Variants in ATAD5 observed in about 807,000 individuals in gnomAD.
ATAD5 encodes ATPase family AAA domain-containing protein 5.
A neutral mutation model predicts 176.9 loss-of-function variants in ATAD5; 58 were observed. The ratio of observed to expected loss-of-function variants is 0.33; its 90% confidence interval spans 0.27 to 0.41. The LOEUF is 0.41. Ranked by LOEUF, ATAD5 falls within the 10% of genes least tolerant of loss-of-function variation. The pLI, the probability that ATAD5 is intolerant of heterozygous loss-of-function variation, is 1.00. For synonymous variants in ATAD5, 640 were observed against 712.6 expected, an observed-to-expected ratio of 0.90 and a Z score of 1.62; for missense variants, 1,789 against 2,094.1, an observed-to-expected ratio of 0.85 and a Z score of 2.84.
chr17:30,869,671 CATA>C (rs1240410251), intron 14 of ATAD5, 25 bp downstream of exon 14: 8 of 1,559,608 alleles, frequency 5.1e-6, no homozygotes, highest in Non-Finnish European at 6.0e-6. Flanking sequence ...TTCCTTAAGC[CATA>C]ATGTTTTGAA....
chr17:30,833,301 C>T (rs949751245), intron 1 of ATAD5, among the ~76,000 whole-genome samples: 6 of 152,064 alleles, frequency 3.9e-5, no homozygotes, highest in Admixed American at 2.0e-4. Flanking sequence ...TCTATGTGGT[C>T]TGTTTTATCA....
At chr17:30,881,869 A>C (rs768858644) in intron 18 of ATAD5, among the ~76,000 whole-genome samples, 2 of 151,656 alleles carry the variant, frequency 1.3e-5, no homozygotes, top group African/African-American at 2.4e-5. Context: ...AGCCAAGATC[A>C]TACCACTGCA....
Position 30,840,789 on chromosome 17 carries a change from T to G in ATAD5, c.2241+8T>G, listed in dbSNP as rs750582605. ...AAATTGTCAGAAACAGAAGTAAGTA[T>G]TATAAATATCTGTTGGTATAAATTC... On this transcript the variant is annotated splice_region_variant and intron_variant, in intron 4 of 22. Coordinates refer to ENST00000321990, the MANE Select transcript of ATAD5 (RefSeq NM_024857.5). 1 of 1,587,808 alleles carries G rather than the reference T, an allele frequency of 6.3e-7. No individual in the cohort carries two copies. Among genetic ancestry groups the G allele is most frequent in the Non-Finnish European group, 8.5e-7 (1 of 1,171,316 alleles).
At chr17:30,875,334 A>G (rs978004573) in intron 14 of ATAD5, among the ~76,000 whole-genome samples, 1 of 152,106 alleles carries the variant, frequency 6.6e-6, no homozygotes, top group African/African-American at 2.4e-5. Flanking sequence ...CTAAAAATAC[A>G]TTTTATTGGC....
intron 6 of ATAD5, among the ~76,000 whole-genome samples, chr17:30,851,730 GCAC>G (rs1465069426): frequency 6.6e-5 from 10 of 152,054 alleles, no homozygotes; most frequent in African/African-American, 2.4e-4. Context: ...TTACAGGTAT[GCAC>G]CACCACACCT....
chr17:30,881,298 CTG>C (rs1217680630), intron 18 of ATAD5, among the ~76,000 whole-genome samples: 1 of 151,854 alleles, frequency 6.6e-6, no homozygotes, highest in Non-Finnish European at 1.5e-5. Flanking sequence ...AGGTCTCACT[CTG>C]TTACCCAAGC....
intron 9 of ATAD5, 60 bp downstream of exon 9, chr17:30,858,383 ATTAT>A: frequency 3.5e-6 from 4 of 1,140,548 alleles, no homozygotes; most frequent in Non-Finnish European, 4.6e-6. Flanking sequence ...TATATTATTT[ATTAT>A]TTTATTTTTA....
chr17:30,893,966 T>C lies in ATAD5; in HGVS notation c.5113T>C (p.Ser1705Pro). The C allele has an allele frequency of 6.2e-7, 1 of 1,614,048 alleles. No homozygotes were observed. Among genetic ancestry groups the C allele is most frequent in the Non-Finnish European group, 8.5e-7 (1 of 1,179,930 alleles). Reference sequence around the variant, plus strand: ...TAATGATGGATGGACTTCTCAAAGCTCTGGAGAATTAAAGGCAGCTGCAGA... The same window carrying C: ...TAATGATGGATGGACTTCTCAAAGCCCTGGAGAATTAAAGGCAGCTGCAGA... ...ESNDGWTSQS[S>P]GELKAAAEAL... is the part of the protein sequence containing the mutation. The change falls in exon 21 of 23, where the codon TCT becomes CCT. Residue 1705 changes from serine to proline, a missense_variant. Ser to Pro is a moderately conservative substitution (Grantham distance 74). Coordinates refer to ENST00000321990, the MANE Select transcript of ATAD5 (RefSeq NM_024857.5).
rs1260288329 is a variant in ATAD5 at position 30,878,637 on chromosome 17, A to G, written c.4012+541A>G. Among the ~76,000 whole-genome samples, 6 of 150,954 alleles carry G rather than the reference A, an allele frequency of 4.0e-5. No homozygotes were observed. The East Asian group carries it at 9.7e-4, about 24-fold the overall frequency. Reference sequence around the variant, plus strand: ...ATAAATATTCATGAGGCTAGTCTCTACTTACAAATTAATGCCCATTTGGTA... The same window carrying G: ...ATAAATATTCATGAGGCTAGTCTCTGCTTACAAATTAATGCCCATTTGGTA... On this transcript the variant is annotated intron_variant, in intron 17 of 22. Coordinates refer to ENST00000321990, the MANE Select transcript of ATAD5 (RefSeq NM_024857.5).
intron 3 of ATAD5, among the ~76,000 whole-genome samples, chr17:30,840,135 T>C (rs1398351959): frequency 6.8e-6 from 1 of 147,964 alleles, no homozygotes; most frequent in Non-Finnish European, 1.5e-5. Context: ...GAGGCAGAGG[T>C]TGCACTGAGC....
Position 30,832,243 on chromosome 17 carries a change from C to A in ATAD5, c.-105C>A. 1 of 1,054,094 alleles carries A rather than the reference C, an allele frequency of 9.5e-7. No homozygotes were observed. Among genetic ancestry groups the A allele is most frequent in the Non-Finnish European group, 1.3e-6 (1 of 778,854 alleles). The allele number at this position is 1,054,094 out of a possible 1,614,324, so 65.3% of individuals were successfully genotyped here. ...GGAATCCGAAACGGCTCAGCAGAAT[C>A]CCAGCAGCTTGCTGCTACTGGAGCG... On this transcript the variant is annotated 5_prime_UTR_variant, in exon 1 of 23. Transcript: ENST00000321990.
chr17:30,850,477 C>T (rs1906810171), intron 6 of ATAD5, among the ~76,000 whole-genome samples: 1 of 151,628 alleles, frequency 6.6e-6, no homozygotes, highest in Non-Finnish European at 1.5e-5. Context: ...CCTGCCATCT[C>T]AGCCCCTCAA....
At chr17:30,867,979 T>C (rs1469369398) in intron 11 of ATAD5, among the ~76,000 whole-genome samples, 2 of 152,082 alleles carry the variant, frequency 1.3e-5, no homozygotes, top group African/African-American at 4.8e-5. Context: ...TTCCCAATGG[T>C]GTATTTTTAT....
At chr17:30,881,347 T>A (rs1191228472) in intron 18 of ATAD5, among the ~76,000 whole-genome samples, 1 of 152,154 alleles carries the variant, frequency 6.6e-6, no homozygotes, top group South Asian at 2.1e-4. Context: ...TTGCCCAGGC[T>A]GGAGTACGGT....
At chr17:30,877,980 AT>A in intron 16 of ATAD5, 22 bp from the exon 17 acceptor site, 1 of 1,473,804 alleles carries the variant, frequency 6.8e-7, no homozygotes, top group Non-Finnish European at 9.4e-7. Flanking sequence ...GTATTAATAT[AT>A]TAATATTCTA....
intron 19 of ATAD5, among the ~76,000 whole-genome samples, chr17:30,889,059 C>T (rs900753105): frequency 2.4e-5 from 2 of 82,266 alleles, no homozygotes; most frequent in African/African-American, 1.0e-4. Context: ...GACTCTGTCT[C>T]AAAAAAAAAA....
chr17:30,870,107 C>A (rs1298766207), intron 14 of ATAD5, among the ~76,000 whole-genome samples: 1 of 151,868 alleles, frequency 6.6e-6, no homozygotes, highest in Middle Eastern at 3.2e-3. Context: ...GAGTGAGATC[C>A]CATCTCCAAA....
chr17:30,858,985 C>T (rs547551267), intron 9 of ATAD5, among the ~76,000 whole-genome samples: 16 of 152,316 alleles, frequency 1.1e-4, no homozygotes, highest in African/African-American at 3.4e-4. Flanking sequence ...ATCCTTTCGC[C>T]TTAGCTTCCC....
At position 30,851,452 on chromosome 17, in the gene ATAD5, C is replaced by T. The variant is rs185325637; in HGVS notation, c.2451-3691C>T. Reference sequence around the variant, plus strand: ...TGGAGCTTACAGTGAGCCGAGATCCCGCCACTGCACTCCAGCCTGGGCAAC... The same window carrying T: ...TGGAGCTTACAGTGAGCCGAGATCCTGCCACTGCACTCCAGCCTGGGCAAC... On this transcript the variant is annotated intron_variant, in intron 6 of 22. Coordinates refer to ENST00000321990, the MANE Select transcript of ATAD5 (RefSeq NM_024857.5). Among the ~76,000 whole-genome samples the T allele has an allele frequency of 1.6e-3, 236 of 149,872 alleles. 1 individual carries two copies. The highest frequency in any genetic ancestry group is 5.5e-3 in the African/African-American group (226 of 40,816).
Sources: gnomAD v4.1 joint callset for allele counts (sites outside exome capture counted in the v4.1 genomes callset) on GRCh38, gnomAD v4.1.1 for gene constraint, MANE v1.5 for transcripts, NCBI Gene and HGNC (gene_info 2026-07-23, HGNC 2026-07-21) for gene names.